The following KDM5A variants were observed in gnomAD, a reference collection of about 807,000 sequenced individuals.
KDM5A encodes lysine-specific demethylase 5A.
A neutral mutation model predicts 193.5 loss-of-function variants in KDM5A; 42 were observed. The ratio of observed to expected loss-of-function variants is 0.22; its 90% CI spans 0.17 to 0.28. The LOEUF (loss-of-function observed/expected upper bound fraction) is 0.28. Ranked by LOEUF, KDM5A falls within the 10% of genes least tolerant of loss-of-function variation. The probability of loss-of-function intolerance (pLI) is 1.00; values close to 1 mark genes in which losing one functional copy is unlikely to be tolerated. For synonymous variants in KDM5A, 796 were observed against 718.1 expected (o/e 1.11, Z -1.73); for missense variants, 1,692 against 2,055.1 (o/e 0.82, Z 3.42).
At chr12:366,179 A>T in intron 3 of KDM5A, 75 bp from the exon 4 acceptor site, 1 of 1,302,182 alleles carries the variant, frequency 7.7e-7, no homozygotes, top group Non-Finnish European at 1.1e-6. Flanking sequence ...TTGTCTACTA[A>T]ATAGAAAAAT....
intron 10 of KDM5A, among the ~76,000 whole-genome samples, chr12:344,107 T>C (rs887728209): frequency 6.6e-6 from 1 of 152,138 alleles, no homozygotes; most frequent in African/African-American, 2.4e-5. Context: ...GGACGAGAAC[T>C]TCATTACACA....
At chr12:350,848 C>G (rs1187917689) in intron 9 of KDM5A, 69 bp from the exon 10 acceptor site, 2 of 1,363,532 alleles carry the variant, frequency 1.5e-6, no homozygotes, top group East Asian at 4.6e-5. Context: ...ACATAATACA[C>G]AGGATCAAGT....
At chr12:365,166 CCA>C (rs1396351900) in intron 4 of KDM5A, among the ~76,000 whole-genome samples, 3 of 152,092 alleles carry the variant, frequency 2.0e-5, no homozygotes, top group African/African-American at 7.2e-5. Context: ...AATCATCCTA[CCA>C]CAGTCTCTGG....
chr12:316,369 A>C (rs1943650745), intron 19 of KDM5A, among the ~76,000 whole-genome samples: 1 of 152,230 alleles, frequency 6.6e-6, no homozygotes, highest in Non-Finnish European at 1.5e-5. Context: ...CATAGCATTT[A>C]GAAATAGCAC....
intron 3 of KDM5A, among the ~76,000 whole-genome samples, chr12:372,396 T>A (rs1460224843): frequency 6.6e-6 from 1 of 152,234 alleles, no homozygotes; most frequent in Non-Finnish European, 1.5e-5. Context: ...TTTGGCTCTC[T>A]GTTATTGGTG....
At position 356,476 on chromosome 12, in the gene KDM5A, C is replaced by A; in HGVS notation, c.734G>T (p.Gly245Val). 1 of 1,613,862 alleles carries A rather than the reference C, an allele frequency of 6.2e-7. No homozygotes were observed. The highest frequency in any genetic ancestry group is 2.2e-5 in the East Asian group (1 of 44,876). The change falls in exon 6 of 28, where the codon GGG becomes GTG. Residue 245 changes from glycine to valine, a missense_variant. Around this residue, in one of 11 missense-constraint regions of KDM5A, gnomAD observed 134 missense variants for 124.2 expected, o/e 1.08. Transcript: ENST00000399788. ...ELKKLQIFGA[G>V]PKVVGLAMGT... ...CATTGCCAAGCCCACAACCTTGGGC[C>A]CAGCCCCAAAAATCTGAAGTTTCTT...
rs1943211945 is a variant in KDM5A, at chr12:285,679, T to C, written c.4867-17A>G. On this transcript the variant is annotated splice_polypyrimidine_tract_variant and intron_variant, in intron 27 of 27. Coordinates refer to ENST00000399788, the MANE Select transcript of KDM5A (RefSeq NM_001042603.3). ...CCAGTCTACCTGTAGGAAACAAGAT[T>C]GGGGAATGTTTAGGTTACATAAACA... The C allele has an allele frequency of 1.2e-6, 2 of 1,607,578 alleles. No individual in the cohort carries two copies. The highest frequency in any genetic ancestry group is 3.3e-5 in the Admixed American group (2 of 59,964).
chr12:377,529 C>T (rs1377903957), intron 3 of KDM5A, among the ~76,000 whole-genome samples: 5 of 152,062 alleles, frequency 3.3e-5, no homozygotes, highest in African/African-American at 9.7e-5. Flanking sequence ...AATATAGCAT[C>T]GTTCTTCTCA....
rs148309549 is a variant in KDM5A at position 333,320 on chromosome 12, G to C, written c.1653+167C>G. ...TATAGTCCCAGCTACTCATTAGGCTGAGGCAGGAGAACTGCTTGAGCTGAG... is the reference window on the plus strand; with the variant it reads ...TATAGTCCCAGCTACTCATTAGGCTCAGGCAGGAGAACTGCTTGAGCTGAG... On this transcript the variant is annotated intron_variant, in intron 12 of 27. Transcript: ENST00000399788. 931 of 709,406 alleles carry C rather than the reference G, an allele frequency of 1.3e-3. 9 individuals carry two copies. Among genetic ancestry groups the C allele is most frequent in the Middle Eastern group, 9.5e-3 (33 of 3,466 alleles). 43.9% of individuals were successfully genotyped at this position (709,406 alleles called of 1,614,324 possible).
chr12:381,764 T>TAAATTTTAAATGTATCATAAAA (rs1944575790), intron 3 of KDM5A, among the ~76,000 whole-genome samples: 1 of 152,126 alleles, frequency 6.6e-6, no homozygotes, highest in Admixed American at 6.5e-5. Flanking sequence ...AATTTTGACC[T>TAAATTTTAAATGTATCATAAAA]GACACTAATT....
chr12:293,788 A>AG (rs34107168), intron 26 of KDM5A, among the ~76,000 whole-genome samples: 3,443 of 82,490 alleles, frequency 0.042, 73 homozygotes, highest in Non-Finnish European at 0.054. Flanking sequence ...CAAAAAAAAA[A>AG]GGGGGGGGGG....
In KDM5A at chr12:309,832, ATCCTTCCTCCAG is replaced by A; in HGVS notation, c.3337_3348del (p.Gly1116_Glu1119del). ...ATGGCTGTATCTCTGGTTTCCTCCA[ATCCTTCCTCCAG>A]ATCACTCAGAGGCTCCAGGTCCAGA... is the stretch of plus-strand genomic sequence containing the variant. On this transcript the variant is annotated inframe_deletion, in exon 22 of 28. Transcript: ENST00000399788. 6.2e-7 allele frequency: 1 copy of A among 1,614,014 alleles called. No homozygotes were observed. Among genetic ancestry groups the A allele is most frequent in the South Asian group, 1.1e-5 (1 of 91,070 alleles).
chr12:350,438 A>AG (rs1183420002), intron 10 of KDM5A, among the ~76,000 whole-genome samples, 183 bp downstream of exon 10: 1 of 152,128 alleles, frequency 6.6e-6, no homozygotes, highest in Non-Finnish European at 1.5e-5. Flanking sequence ...AAAAAAAAAA[A>AG]AAAAAAAAGA....
chr12:367,931 G>A (rs952619268), intron 3 of KDM5A, among the ~76,000 whole-genome samples: 4 of 151,848 alleles, frequency 2.6e-5, no homozygotes, highest in African/African-American at 9.7e-5. Context: ...TTCACTTCTA[G>A]ATATATACTC....
intron 11 of KDM5A, among the ~76,000 whole-genome samples, 174 bp downstream of exon 11, chr12:334,067 C>A (rs1458481749): frequency 6.6e-6 from 1 of 152,206 alleles, no homozygotes; most frequent in African/African-American, 2.4e-5. Context: ...TAGGATACTT[C>A]TAAATAGCTT....
intron 1 of KDM5A, among the ~76,000 whole-genome samples, chr12:386,344 G>C (rs1944637279): frequency 6.6e-6 from 1 of 152,082 alleles, no homozygotes; most frequent in Admixed American, 6.6e-5. Context: ...TTAATAATCT[G>C]GTGCATAACG....
rs370991357 is a variant in KDM5A at position 365,986 on chromosome 12, T to A, written c.485A>T (p.Tyr162Phe). 22 of 1,614,100 alleles carry A rather than the reference T, an allele frequency of 1.4e-5. No homozygotes were observed. The highest frequency in any genetic ancestry group is 1.8e-5 in the Non-Finnish European group (21 of 1,179,944). The change falls in exon 4 of 28, where the codon TAT becomes TTT. Residue 162 changes from tyrosine (Y) to phenylalanine (F), a missense_variant. Physicochemically the swap from Tyr to Phe is conservative, Grantham distance 22. Coordinates refer to ENST00000399788, the MANE Select transcript of KDM5A (RefSeq NM_001042603.3). ...KGTGSLLKSH[Y>F]ERILYPYELF... ...CTCATATGGGTAGAGAATTCTTTCATAATGTGACTTCAAAAGAGACCCAGT... is the reference window on the plus strand; with the variant it reads ...CTCATATGGGTAGAGAATTCTTTCAAAATGTGACTTCAAAAGAGACCCAGT...
chr12:349,698 GCTT>G (rs1944127005), intron 10 of KDM5A, among the ~76,000 whole-genome samples: 1 of 13,840 alleles, frequency 7.2e-5, no homozygotes, highest in African/African-American at 2.6e-4. Context: ...AATTAAATTA[GCTT>G]TTTTTTTTTT....
chr12:295,908 T>C, intron 25 of KDM5A, 115 bp from the exon 26 acceptor site: 3 of 822,606 alleles, frequency 3.6e-6, no homozygotes, highest in East Asian at 2.6e-5. Flanking sequence ...ACTTCAGATA[T>C]CTGGATTCAT....
Sources: gnomAD v4.1 joint callset for allele counts (sites outside exome capture counted in the v4.1 genomes callset) on GRCh38, gnomAD v4.1.1 for gene constraint, gnomAD v4.1.1 regional missense constraint, MANE v1.5 for transcripts, NCBI Gene and HGNC (gene_info 2026-07-23, HGNC 2026-07-21) for gene names.